LHFPL3: variants seen among roughly 807,000 people sequenced by gnomAD.
LHFPL3 encodes the protein LHFPL tetraspan subfamily member 3, also known as LHFPL tetraspan subfamily member 3 protein.
A neutral mutation model predicts 19.3 loss-of-function variants in LHFPL3; 5 were observed. The observed-to-expected ratio is 0.26, with a 90% CI of 0.14 to 0.54. The LOEUF (loss-of-function observed/expected upper bound fraction) is 0.54, where lower values mean the gene tolerates loss of function less well. Ranked by LOEUF, LHFPL3 falls within the 20% of genes least tolerant of loss-of-function variation. LHFPL3 has a pLI of 0.94. For synonymous variants in LHFPL3, 133 were observed against 126.2 expected (o/e 1.05, Z -0.36); for missense variants, 249 against 307.4 (o/e 0.81, Z 1.42).
intron 1 of LHFPL3, among the ~76,000 whole-genome samples, chr7:104,342,172 C>A (rs1468047628): frequency 6.6e-6 from 1 of 151,642 alleles, no homozygotes; most frequent in Non-Finnish European, 1.5e-5. Context: ...ATGACTTGAG[C>A]AGTTCACTGG....
At chr7:104,338,239 CA>C (rs1789875150) in intron 1 of LHFPL3, among the ~76,000 whole-genome samples, 1 of 151,766 alleles carries the variant, frequency 6.6e-6, no homozygotes, top group African/African-American at 2.4e-5. Context: ...GCTGGGACTA[CA>C]GGCGCCCGCC....
chr7:104,650,062 C>G (rs965490383), intron 1 of LHFPL3, among the ~76,000 whole-genome samples: 12 of 152,278 alleles, frequency 7.9e-5, no homozygotes, highest in Non-Finnish European at 1.6e-4. Flanking sequence ...CTGTTTTATT[C>G]CCATTCAAGA....
intron 2 of LHFPL3, among the ~76,000 whole-genome samples, chr7:104,854,039 T>C (rs976945460): frequency 1.3e-5 from 2 of 152,292 alleles, no homozygotes; most frequent in Non-Finnish European, 2.9e-5. Context: ...TTTGAGTTCT[T>C]AGCTAGGATG....
In LHFPL3 at chr7:104,846,895, C is replaced by T. The variant is rs548998163; in HGVS notation, c.683-59292C>T. Among the ~76,000 whole-genome samples, 27 of 152,314 alleles carry T rather than the reference C, an allele frequency of 1.8e-4. No individual in the cohort carries two copies. In the South Asian group the frequency reaches 4.2e-3, roughly 23 times the overall value. On this transcript the variant is annotated intron_variant, in intron 2 of 2. Coordinates refer to ENST00000424859, the MANE Select transcript of LHFPL3 (RefSeq NM_199000.3). Reference sequence around the variant, plus strand: ...ACATGATGCTAAGTTTGCTGAGTAACCTCAGGCTGTTTTTCATGCAGTTTC... The same window carrying T: ...ACATGATGCTAAGTTTGCTGAGTAATCTCAGGCTGTTTTTCATGCAGTTTC...
At chr7:104,883,871 C>T (rs921163618) in intron 2 of LHFPL3, among the ~76,000 whole-genome samples, 1 of 152,178 alleles carries the variant, frequency 6.6e-6, no homozygotes, top group African/African-American at 2.4e-5. Context: ...AGCAGCCCAT[C>T]CCAGAGGAAA....
intron 1 of LHFPL3, among the ~76,000 whole-genome samples, chr7:104,674,653 C>T (rs896197102): frequency 3.9e-5 from 6 of 152,038 alleles, no homozygotes; most frequent in African/African-American, 1.4e-4. Context: ...AGGCGTGAGC[C>T]ACTGCACCCA....
chr7:104,750,273 C>A (rs1023975971), intron 2 of LHFPL3, among the ~76,000 whole-genome samples: 12 of 152,132 alleles, frequency 7.9e-5, no homozygotes, highest in Non-Finnish European at 1.8e-4. Context: ...TGTCTACCAA[C>A]CCTTCAAACT....
intron 1 of LHFPL3, chr7:104,667,872 G>A: frequency 6.2e-7 from 1 of 1,612,200 alleles, no homozygotes; most frequent in Middle Eastern, 2.1e-4. Context: ...CAGCTGGGCT[G>A]ATGAAACGGA....
At chr7:104,551,526 T>C (rs1002401727) in intron 1 of LHFPL3, among the ~76,000 whole-genome samples, 3 of 152,098 alleles carry the variant, frequency 2.0e-5, no homozygotes, top group African/African-American at 7.2e-5. Context: ...TGGACTGACT[T>C]TGAGGTCTCT....
At chr7:104,482,924 A>G (rs1793163815) in intron 1 of LHFPL3, among the ~76,000 whole-genome samples, 1 of 152,220 alleles carries the variant, frequency 6.6e-6, no homozygotes, top group African/African-American at 2.4e-5. Flanking sequence ...TGTTTGTAGG[A>G]CAATGTTTAT....
intron 1 of LHFPL3, among the ~76,000 whole-genome samples, chr7:104,614,033 G>C (rs1024605055): frequency 6.6e-5 from 10 of 152,084 alleles, no homozygotes; most frequent in Non-Finnish European, 1.5e-4. Context: ...TGGCTCCCAG[G>C]TCCTTGAGAA....
intron 1 of LHFPL3, among the ~76,000 whole-genome samples, chr7:104,492,987 C>A (rs1793387958): frequency 6.6e-6 from 1 of 152,216 alleles, no homozygotes; most frequent in Non-Finnish European, 1.5e-5. Flanking sequence ...TTCACTGTAT[C>A]TTTCAAGCAA....
intron 2 of LHFPL3, among the ~76,000 whole-genome samples, chr7:104,830,182 GT>G (rs929475532): frequency 6.6e-6 from 1 of 151,772 alleles, no homozygotes; most frequent in Non-Finnish European, 1.5e-5. Flanking sequence ...GGGGTTGTTT[GT>G]TTTTTTCTTG....
intron 1 of LHFPL3, among the ~76,000 whole-genome samples, chr7:104,543,711 A>G (rs1794529754): frequency 7.2e-6 from 1 of 138,798 alleles, no homozygotes; most frequent in African/African-American, 2.7e-5. Flanking sequence ...TGGGAATTGA[A>G]CAATGGGAGC....
chr7:104,781,291 G>T (rs1042170564), intron 2 of LHFPL3, among the ~76,000 whole-genome samples: 8 of 152,138 alleles, frequency 5.3e-5, no homozygotes, highest in Admixed American at 1.3e-4. Flanking sequence ...CTTCACAGGA[G>T]AAATAAGCAC....
intron 1 of LHFPL3, among the ~76,000 whole-genome samples, chr7:104,708,682 A>G (rs1332258931): frequency 6.6e-6 from 1 of 152,034 alleles, no homozygotes; most frequent in Non-Finnish European, 1.5e-5. Context: ...TAGACTCTTT[A>G]CTTCTCTGAC....
intron 1 of LHFPL3, among the ~76,000 whole-genome samples, chr7:104,392,221 T>C (rs1319052845): frequency 6.6e-6 from 1 of 151,818 alleles, no homozygotes; most frequent in East Asian, 1.9e-4. Context: ...TCCAACACTA[T>C]GTTGAATAGG....
At position 104,403,176 on chromosome 7, in the gene LHFPL3, C is replaced by T. The variant is rs57714391; in HGVS notation, c.445+73952C>T. ...AACCTGCACATTCACACATGTATCC[C>T]AGAACTTAAAGTATAATAAATAAAT... On this transcript the variant is annotated intron_variant, in intron 1 of 2. Coordinates refer to ENST00000424859, the MANE Select transcript of LHFPL3 (RefSeq NM_199000.3). 7.2e-3 allele frequency among the ~76,000 whole-genome samples: 1,100 copies of T among 152,248 alleles called. 22 individuals carry two copies. The highest frequency in any genetic ancestry group is 0.025 in the African/African-American group (1,042 of 41,526).
chr7:104,570,129 G>C (rs537521955), intron 1 of LHFPL3, among the ~76,000 whole-genome samples: 19 of 152,202 alleles, frequency 1.2e-4, no homozygotes, highest in Non-Finnish European at 2.2e-4. Flanking sequence ...CTTTGTATCA[G>C]CCATTGGAAA....
Sources: allele counts gnomAD v4.1 joint callset (sites outside exome capture counted in the v4.1 genomes callset), GRCh38; gene constraint gnomAD v4.1.1; transcripts MANE v1.5; gene names NCBI Gene and HGNC (gene_info 2026-07-23, HGNC 2026-07-21).